SCAMP5: variants seen among roughly 807,000 people sequenced by gnomAD.
SCAMP5 encodes the protein secretory carrier-associated membrane protein 5.
A neutral mutation model predicts 28.3 loss-of-function variants in SCAMP5; 7 were observed. The observed-to-expected ratio is 0.25, with a 90% CI of 0.14 to 0.46. The LOEUF (loss-of-function observed/expected upper bound fraction) is 0.46, where lower values mean the gene tolerates loss of function less well. Among genes scored for constraint, SCAMP5 ranks in the 20% least tolerant of loss-of-function variants. The probability of loss-of-function intolerance (pLI) is 0.99; values close to 1 mark genes in which losing one functional copy is unlikely to be tolerated. For synonymous variants in SCAMP5, 117 were observed against 116.4 expected, an observed-to-expected ratio of 1.00 and a Z score of -0.03; for missense variants, 192 against 312.5, an observed-to-expected ratio of 0.61 and a Z score of 2.91.
At chr15:75,003,769 C>T (rs996422578) in intron 1 of SCAMP5, among the ~76,000 whole-genome samples, 4 of 152,210 alleles carry the variant, frequency 2.6e-5, no homozygotes, top group Middle Eastern at 3.4e-3. Context: ...ATGATTGCAC[C>T]GCTGCACTCC....
rs542457688 is a variant in SCAMP5, at chr15:75,015,453, G to C, written c.137-1140G>C. ...TTCAGCTAGATGAGGTGGGGACAGA[G>C]GGGGGGGGGCCTGGGTCCTGTTCTT... On this transcript the variant is annotated intron_variant, in intron 3 of 6. Coordinates refer to ENST00000425597, the MANE Select transcript of SCAMP5 (RefSeq NM_138967.4). 3.0e-3 allele frequency among the ~76,000 whole-genome samples: 439 copies of C among 146,728 alleles called. 1 individual carries two copies. Among genetic ancestry groups the C allele is most frequent in the South Asian group, 0.012 (56 of 4,640 alleles).
Position 75,012,988 on chromosome 15 carries a change from C to T in SCAMP5, c.136+183C>T. 3 of 606,706 alleles carry T rather than the reference C, an allele frequency of 4.9e-6. No individual in the cohort carries two copies. In the South Asian group the frequency reaches 6.0e-5, roughly 12 times the overall value. The allele number at this position is 606,706 out of a possible 1,614,324, so 37.6% of individuals were successfully genotyped here. On this transcript the variant is annotated intron_variant, in intron 3 of 6. Coordinates refer to ENST00000425597, the MANE Select transcript of SCAMP5 (RefSeq NM_138967.4). ...GAGGCTTCTTCCATGGGCCACCTCC[C>T]CGACTGGGCCTCAGTTTCCCTCAAC...
intron 1 of SCAMP5, among the ~76,000 whole-genome samples, chr15:75,009,095 T>C (rs1037047653): frequency 2.6e-5 from 4 of 152,240 alleles, no homozygotes; most frequent in Non-Finnish European, 5.9e-5. Context: ...GACTTTTGCA[T>C]ATCAGTACCC....
At chr15:75,001,269 C>CAAAAAA (rs34325708) in intron 1 of SCAMP5, among the ~76,000 whole-genome samples, 1 of 58,168 alleles carries the variant, frequency 1.7e-5, no homozygotes, top group Non-Finnish European at 3.3e-5. Flanking sequence ...AGCGAGACTC[C>CAAAAAA]AAAAAAAAAA....
intron 1 of SCAMP5, among the ~76,000 whole-genome samples, chr15:75,006,303 C>G (rs1352634247): frequency 6.6e-6 from 1 of 151,794 alleles, no homozygotes; most frequent in Admixed American, 6.6e-5. Flanking sequence ...GGCCCTCCCT[C>G]TCTTTTAAAA....
chr15:74,995,608 A>C lies in SCAMP5; in HGVS notation c.-114A>C, dbSNP rs1484914856. On this transcript the variant is annotated 5_prime_UTR_variant, in exon 1 of 7. Transcript: ENST00000425597. Reference sequence around the variant, plus strand: ...CGGCTCGCGGCCGGCTCCGCGCCGCATCGCTCGGGTGCAGCGCAGCTCAGC... The same window carrying C: ...CGGCTCGCGGCCGGCTCCGCGCCGCCTCGCTCGGGTGCAGCGCAGCTCAGC... 7.0e-6 allele frequency: 1 copy of C among 143,300 alleles called. No individual in the cohort carries two copies. The highest frequency in any genetic ancestry group is 2.5e-5 in the African/African-American group (1 of 39,346). The allele number at this position is 143,300 out of a possible 1,614,324, so 8.9% of individuals were successfully genotyped here.
At chr15:75,009,941 G>C (rs2065796312) in intron 1 of SCAMP5, 1 of 152,222 alleles carries the variant, frequency 6.6e-6, no homozygotes, top group Admixed American at 6.5e-5. Context: ...CCCATCAAGG[G>C]TAATACTATC....
intron 4 of SCAMP5, among the ~76,000 whole-genome samples, chr15:75,017,171 C>T (rs1172162929): frequency 6.6e-6 from 1 of 152,106 alleles, no homozygotes; most frequent in Non-Finnish European, 1.5e-5. Context: ...AGCCATGTAC[C>T]ATTGACACTG....
In SCAMP5 at chr15:75,012,412, A is replaced by G. The variant is rs369712198; in HGVS notation, c.8-265A>G. Among the ~76,000 whole-genome samples, 5 of 152,168 alleles carry G rather than the reference A, an allele frequency of 3.3e-5. No homozygotes were observed. In the East Asian group the frequency reaches 5.8e-4, roughly 18 times the overall value. On this transcript the variant is annotated intron_variant, in intron 2 of 6. Coordinates refer to ENST00000425597, the MANE Select transcript of SCAMP5 (RefSeq NM_138967.4). ...GAGGGTGGTACCTTGAGGCCCTGAG[A>G]CAGTGTCACTCAGAATTAAAAAATA...
intron 1 of SCAMP5, among the ~76,000 whole-genome samples, chr15:75,011,496 T>C (rs766319734): frequency 2.6e-5 from 4 of 152,226 alleles, no homozygotes; most frequent in Non-Finnish European, 5.9e-5. Context: ...AGGAATAGAA[T>C]GTCACTTGGC....
chr15:75,008,660 T>C (rs2065783724), intron 1 of SCAMP5, among the ~76,000 whole-genome samples: 1 of 152,098 alleles, frequency 6.6e-6, no homozygotes, highest in Non-Finnish European at 1.5e-5. Context: ...CCATCATGCC[T>C]GGCTAATTTT....
intron 1 of SCAMP5, among the ~76,000 whole-genome samples, chr15:75,003,975 G>A (rs952666231): frequency 3.3e-5 from 5 of 151,174 alleles, no homozygotes; most frequent in African/African-American, 1.2e-4. Context: ...CGTGATCTCC[G>A]CTCACCGCAA....
At position 75,018,404 on chromosome 15, in the gene SCAMP5, G is replaced by T; in HGVS notation, c.396-14G>T. The T allele has an allele frequency of 6.3e-7, 1 of 1,577,112 alleles. No homozygotes were observed. The highest frequency in any genetic ancestry group is 8.7e-7 in the Non-Finnish European group (1 of 1,146,352). On this transcript the variant is annotated splice_polypyrimidine_tract_variant and intron_variant, in intron 5 of 6. Coordinates refer to ENST00000425597, the MANE Select transcript of SCAMP5 (RefSeq NM_138967.4). The surrounding 1 kb of genome is among the most constrained non-coding windows in gnomAD (Gnocchi z 5.6). ...TTATCCTGCCCGCAGCCCCACACTG[G>T]CCTCTTCCTGCAGCGGCTGGATTGC...
intron 1 of SCAMP5, among the ~76,000 whole-genome samples, chr15:75,009,441 T>TGTGTGTG (rs2065790581): frequency 7.3e-6 from 1 of 136,064 alleles, no homozygotes; most frequent in South Asian, 2.5e-4. Flanking sequence ...TGCTAGAAGT[T>TGTGTGTG]TGTGTGTGTG....
In SCAMP5 at chr15:75,019,476, C is replaced by T. The variant is rs1374975425; in HGVS notation, c.*493C>T. On this transcript the variant is annotated 3_prime_UTR_variant, in exon 7 of 7. Transcript: ENST00000425597. ...TCCTGGGAAGTAACAGTACTTAGCA[C>T]TCTTGGTGGTGGGTGGGAGGGTGGG... is the stretch of plus-strand genomic sequence containing the variant. 1.4e-5 allele frequency: 2 copies of T among 143,014 alleles called. No homozygotes were observed. The highest frequency in any genetic ancestry group is 3.1e-5 in the Non-Finnish European group (2 of 64,564). 8.9% of individuals were successfully genotyped at this position (143,014 alleles called of 1,614,324 possible).
At chr15:75,008,088 TC>T (rs1339327967) in intron 1 of SCAMP5, among the ~76,000 whole-genome samples, 1 of 132,908 alleles carries the variant, frequency 7.5e-6, no homozygotes, top group Non-Finnish European at 1.8e-5. Flanking sequence ...TTACTTGGGC[TC>T]TTTTTTTTTT....
intron 1 of SCAMP5, among the ~76,000 whole-genome samples, chr15:75,010,400 C>A (rs1018224084): frequency 6.6e-6 from 1 of 152,190 alleles, no homozygotes; most frequent in African/African-American, 2.4e-5. Context: ...TTCCCCTACT[C>A]CTTAAAACCA....
At chr15:75,016,894 A>AG (rs1567032102) in intron 4 of SCAMP5, 145 bp downstream of exon 4, 1 of 765,304 alleles carries the variant, frequency 1.3e-6, no homozygotes, top group Non-Finnish European at 2.0e-6. Flanking sequence ...TCAGATTGCT[A>AG]GGTAGGGCCT....
At chr15:75,004,223 C>T (rs1238812515) in intron 1 of SCAMP5, among the ~76,000 whole-genome samples, 1 of 152,058 alleles carries the variant, frequency 6.6e-6, no homozygotes, top group Non-Finnish European at 1.5e-5. Context: ...TTTTTAGAGA[C>T]AGGATCTTGC....
Sources: allele counts gnomAD v4.1 joint callset (sites outside exome capture counted in the v4.1 genomes callset), GRCh38; gene constraint gnomAD v4.1.1; non-coding constraint Gnocchi (gnomAD v3.1); transcripts MANE v1.5; gene names NCBI Gene and HGNC (gene_info 2026-07-23, HGNC 2026-07-21).